Variants in CSMD3 observed in about 807,000 individuals in gnomAD.
The protein encoded by CSMD3 is CUB and sushi domain-containing protein 3.
A neutral mutation model predicts 435.2 loss-of-function variants in CSMD3; 177 were observed. That is an observed-to-expected ratio of 0.41 (90% confidence interval 0.36 to 0.46). The LOEUF is 0.46. Ranked by LOEUF, CSMD3 falls within the 20% of genes least tolerant of loss-of-function variation. The pLI is 0.34. For synonymous variants in CSMD3, 1,656 were observed against 1,520.5 expected (o/e 1.09, Z -2.07); for missense variants, 4,265 against 4,504.6 (o/e 0.95, Z 1.52).
chr8:113,435,980 C>A (rs2094703706), intron 1 of CSMD3, among the ~76,000 whole-genome samples: 1 of 152,028 alleles, frequency 6.6e-6, no homozygotes. Context: ...TGGGGATTTT[C>A]TTTTGGTCGT....
intron 4 of CSMD3, among the ~76,000 whole-genome samples, chr8:113,143,683 T>TAAAAAATGTCAATCCC (rs2091604594): frequency 6.6e-6 from 1 of 151,384 alleles, no homozygotes; most frequent in Non-Finnish European, 1.5e-5. Context: ...TTATGCTGAG[T>TAAAAAATGTCAATCCC]AAAAAATGTC....
chr8:112,259,055 A>C (rs1816117474), intron 61 of CSMD3, among the ~76,000 whole-genome samples: 1 of 152,118 alleles, frequency 6.6e-6, no homozygotes, highest in South Asian at 2.1e-4. Flanking sequence ...AAAAAAGAAA[A>C]AAAGAAATAT....
At chr8:112,456,027 C>T (rs1816809766) in intron 32 of CSMD3, among the ~76,000 whole-genome samples, 1 of 151,772 alleles carries the variant, frequency 6.6e-6, no homozygotes, top group Admixed American at 6.6e-5. Context: ...ATACTCTGAC[C>T]ACCTGAGTTC....
chr8:113,219,471 G>A (rs139012816), intron 3 of CSMD3, among the ~76,000 whole-genome samples: 342 of 151,180 alleles, frequency 2.3e-3, no homozygotes, highest in African/African-American at 7.9e-3. Context: ...TCATACCAAA[G>A]TAACAAAAAA....
chr8:112,921,699 C>T lies in CSMD3; in HGVS notation c.1561G>A (p.Ala521Thr), dbSNP rs140758499. ...SCDEDYVLQG[A>T]KSITCQRIAE... ...ATCCGTTGACAGGTGATGCTCTTTG[C>T]GCCCTGTAGGACATAATCTTCATCA... Residue 521 changes from alanine (A) to threonine (T), a missense_variant, in exon 10 of 71, where the codon GCA (alanine) becomes ACA (threonine). Coordinates refer to ENST00000297405, the MANE Select transcript of CSMD3 (RefSeq NM_198123.2). 1.7e-5 allele frequency: 28 copies of T among 1,609,380 alleles called. No homozygotes were observed. In the African/African-American group the frequency reaches 1.9e-4, roughly 11 times the overall value.
At chr8:113,193,900 T>C (rs1564412085) in intron 3 of CSMD3, among the ~76,000 whole-genome samples, 1 of 151,576 alleles carries the variant, frequency 6.6e-6, no homozygotes, top group Admixed American at 6.6e-5. Flanking sequence ...TTTGGAGTTA[T>C]TATTTAGCAA....
chr8:113,220,771 A>T (rs570295784), intron 3 of CSMD3, among the ~76,000 whole-genome samples: 96 of 151,498 alleles, frequency 6.3e-4, no homozygotes, highest in African/African-American at 2.3e-3. Context: ...CAAAGGGGGA[A>T]GTAACTATAC....
At chr8:112,912,185 T>A (rs1189917615) in intron 10 of CSMD3, among the ~76,000 whole-genome samples, 2 of 151,402 alleles carry the variant, frequency 1.3e-5, no homozygotes, top group Non-Finnish European at 3.0e-5. Flanking sequence ...GTTGATTACA[T>A]ATCTTGGCTA....
At chr8:112,857,689 T>C (rs1038950390) in intron 11 of CSMD3, among the ~76,000 whole-genome samples, 3 of 151,662 alleles carry the variant, frequency 2.0e-5, no homozygotes, top group African/African-American at 7.2e-5. Flanking sequence ...ATAGGCTTGC[T>C]TAAATGCAGA....
intron 32 of CSMD3, among the ~76,000 whole-genome samples, chr8:112,414,054 A>C (rs561486809): frequency 6.6e-6 from 1 of 152,156 alleles, no homozygotes; most frequent in Admixed American, 6.5e-5. Flanking sequence ...TCCTCTTAAT[A>C]ATTTTCCATC....
At chr8:112,792,195 A>G (rs1483221517) in intron 13 of CSMD3, among the ~76,000 whole-genome samples, 2 of 152,134 alleles carry the variant, frequency 1.3e-5, no homozygotes, top group Non-Finnish European at 2.9e-5. Flanking sequence ...ATGAAGTCCA[A>G]TTTATCAATT....
At chr8:112,662,573 G>A (rs2075412874) in intron 17 of CSMD3, among the ~76,000 whole-genome samples, 1 of 152,076 alleles carries the variant, frequency 6.6e-6, no homozygotes, top group African/African-American at 2.4e-5. Context: ...AAAAACCCTA[G>A]AAGAAAACCT....
intron 3 of CSMD3, among the ~76,000 whole-genome samples, chr8:113,253,909 A>G (rs2093357455): frequency 6.6e-6 from 1 of 152,066 alleles, no homozygotes; most frequent in South Asian, 2.1e-4. Context: ...TGCCAGTACT[A>G]TATCTTATCC....
At chr8:113,361,762 A>T (rs140114679) in intron 1 of CSMD3, among the ~76,000 whole-genome samples, 1 of 152,160 alleles carries the variant, frequency 6.6e-6, no homozygotes, top group Non-Finnish European at 1.5e-5. Flanking sequence ...TATAGGAACC[A>T]TATCAATTTG....
At chr8:112,996,856 G>C (rs1459701419) in intron 6 of CSMD3, among the ~76,000 whole-genome samples, 1 of 151,528 alleles carries the variant, frequency 6.6e-6, no homozygotes, top group Non-Finnish European at 1.5e-5. Context: ...TACCAATCAA[G>C]AGAAAAATAG....
chr8:112,828,773 C>T (rs2079774428), intron 12 of CSMD3, among the ~76,000 whole-genome samples: 1 of 152,114 alleles, frequency 6.6e-6, no homozygotes, highest in Non-Finnish European at 1.5e-5. Flanking sequence ...ACCACCAAAT[C>T]ATGTTGATCA....
intron 32 of CSMD3, among the ~76,000 whole-genome samples, chr8:112,465,083 G>T (rs1042303863): frequency 6.6e-6 from 1 of 152,004 alleles, no homozygotes; most frequent in African/African-American, 2.4e-5. Flanking sequence ...AAATAACATA[G>T]GGCCTTTAAA....
At chr8:113,128,216 G>GT (rs550822357) in intron 4 of CSMD3, among the ~76,000 whole-genome samples, 1 of 151,910 alleles carries the variant, frequency 6.6e-6, no homozygotes, top group South Asian at 2.1e-4. Flanking sequence ...GTAAATTTTT[G>GT]TTCTTAACAA....
At chr8:113,054,085 T>C (rs2131337700) in intron 5 of CSMD3, among the ~76,000 whole-genome samples, 1 of 152,314 alleles carries the variant, frequency 6.6e-6, no homozygotes, top group South Asian at 2.1e-4. Flanking sequence ...TAGTTCACTC[T>C]TGTTATGACA....
Sources: gnomAD v4.1 joint callset for allele counts (sites outside exome capture counted in the v4.1 genomes callset) on GRCh38, gnomAD v4.1.1 for gene constraint, MANE v1.5 for transcripts, NCBI Gene and HGNC (gene_info 2026-07-23, HGNC 2026-07-21) for gene names.